The following NUDT3 variants were observed in gnomAD, a reference collection of about 807,000 sequenced individuals.
The protein encoded by NUDT3 is diphosphoinositol polyphosphate phosphohydrolase 1.
Under a neutral mutation model 23.6 loss-of-function variants are expected in NUDT3, and 9 were observed. The observed-to-expected ratio is 0.38, with a 90% CI of 0.23 to 0.66. NUDT3 has a LOEUF of 0.66. Ranked by LOEUF, NUDT3 falls within the 30% of genes least tolerant of loss-of-function variation. The probability of loss-of-function intolerance (pLI) is 0.52; values close to 1 mark genes in which losing one functional copy is unlikely to be tolerated. For missense variants in NUDT3, 172 were observed against 218.5 expected, an observed-to-expected ratio of 0.79 and a Z score of 1.34; for synonymous variants, 86 against 82.6, an observed-to-expected ratio of 1.04 and a Z score of -0.22.
chr6:34,381,371 A>T (rs1411062709), intron 1 of NUDT3, among the ~76,000 whole-genome samples: 1 of 152,088 alleles, frequency 6.6e-6, no homozygotes, highest in East Asian at 1.9e-4. Flanking sequence ...TACACATTTT[A>T]AAACTCTTCA....
chr6:34,297,225 C>A (rs1305717655), intron 2 of NUDT3, among the ~76,000 whole-genome samples: 2 of 152,096 alleles, frequency 1.3e-5, no homozygotes, highest in African/African-American at 2.4e-5. Flanking sequence ...AGTCACCGCG[C>A]CTGGCCTGCC....
At chr6:34,374,604 G>C (rs1764891349) in intron 1 of NUDT3, among the ~76,000 whole-genome samples, 1 of 151,956 alleles carries the variant, frequency 6.6e-6, no homozygotes, top group African/African-American at 2.4e-5. Context: ...TCAACACTCA[G>C]ATCTAGTCCT....
At chr6:34,313,149 T>G (rs1763801041) in intron 2 of NUDT3, among the ~76,000 whole-genome samples, 2 of 152,156 alleles carry the variant, frequency 1.3e-5, no homozygotes, top group East Asian at 3.9e-4. Context: ...CACTCCGGCC[T>G]GGGTGACAGA....
chr6:34,327,760 G>A (rs1386292814), intron 2 of NUDT3, among the ~76,000 whole-genome samples: 1 of 152,088 alleles, frequency 6.6e-6, no homozygotes, highest in African/African-American at 2.4e-5. Context: ...GTGAAGCAGA[G>A]TGTTCCCTGA....
intron 2 of NUDT3, among the ~76,000 whole-genome samples, chr6:34,296,018 G>A (rs910750691): frequency 2.6e-5 from 4 of 152,230 alleles, no homozygotes; most frequent in Admixed American, 1.3e-4. Context: ...GCCAGGCACT[G>A]CCACTCTGGG....
chr6:34,360,705 A>G (rs555577447), intron 1 of NUDT3, among the ~76,000 whole-genome samples: 1 of 152,350 alleles, frequency 6.6e-6, no homozygotes, highest in East Asian at 1.9e-4. Context: ...ATGCAGAAAA[A>G]GCTCAAATAA....
At position 34,392,316 on chromosome 6, in the gene NUDT3, C is replaced by T; in HGVS notation, c.47G>A (p.Gly16Asp). Residue 16 changes from glycine (G) to aspartate (D), a missense_variant, in exon 1 of 5, where the codon GGC becomes GAC. Gly to Asp is a moderately conservative substitution (Grantham distance 94). Around this residue, in one of 3 missense-constraint regions of NUDT3, gnomAD observed 50 missense variants for 46.2 expected, o/e 1.08. Transcript: ENST00000607016. ...CAGGCATGCGGCCCGCTTCTTGTAG[C>T]CGTCGCCGTCGTAGGTGCGGGTCTG... ...SNQTRTYDGDGYKKRAACLCF... is the reference protein window; with the variant it reads ...SNQTRTYDGDDYKKRAACLCF... 1.2e-6 allele frequency: 2 copies of T among 1,606,406 alleles called. No individual in the cohort carries two copies. Among genetic ancestry groups the T allele is most frequent in the Non-Finnish European group, 8.5e-7 (1 of 1,177,598 alleles).
rs1763302073 is a variant in NUDT3, at chr6:34,283,543, AT to A, written c.*5209del. 1 of 152,156 alleles carries A rather than the reference AT, an allele frequency of 6.6e-6. No homozygotes were observed. Among genetic ancestry groups the A allele is most frequent in the Admixed American group, 6.5e-5 (1 of 15,276 alleles). The allele number at this position is 152,156 out of a possible 1,614,324, so 9.4% of individuals were successfully genotyped here. A position where few individuals can be genotyped will look rare whatever the true frequency, so the allele number is the denominator to read the frequency against. Reference sequence around the variant, plus strand: ...TATAAGGGGACTAGAAGGACAAACTATTTGATTAATTTGAAGGTGAGAGGTA... The same window carrying A: ...TATAAGGGGACTAGAAGGACAAACTATTGATTAATTTGAAGGTGAGAGGTA... On this transcript the variant is annotated 3_prime_UTR_variant, in exon 5 of 5. Coordinates refer to ENST00000607016, the MANE Select transcript of NUDT3 (RefSeq NM_006703.4).
Position 34,350,347 on chromosome 6 carries a change from T to C in NUDT3, c.100-8375A>G, listed in dbSNP as rs112100473. ...GGCACCAGGACCAGATCCTATCAAA[T>C]TTGTGATATGCTCTGCAAATTGCAT... On this transcript the variant is annotated intron_variant, in intron 1 of 4. Coordinates refer to ENST00000607016, the MANE Select transcript of NUDT3 (RefSeq NM_006703.4). Among the ~76,000 whole-genome samples, 1,365 of 150,848 alleles carry C rather than the reference T, an allele frequency of 9.0e-3. 105 individuals carry two copies. Among genetic ancestry groups the C allele is most frequent in the African/African-American group, 0.029 (1,173 of 40,564 alleles).
chr6:34,331,115 A>G (rs1164974753), intron 2 of NUDT3, among the ~76,000 whole-genome samples: 1 of 152,184 alleles, frequency 6.6e-6, no homozygotes, highest in African/African-American at 2.4e-5. Flanking sequence ...TTGGGCTCCC[A>G]AAGTGCTGGG....
At position 34,392,547 on chromosome 6, in the gene NUDT3, C is replaced by A; in HGVS notation, c.-185G>T. ...GCCTCATTCCCCCAGGCCCAGGTCC[C>A]GCGCCGCCGCTGCCACCGTCACGGC... On this transcript the variant is annotated 5_prime_UTR_variant, in exon 1 of 5. Transcript: ENST00000607016. The A allele has an allele frequency of 2.5e-6, 1 of 395,094 alleles. No individual in the cohort carries two copies. Among genetic ancestry groups the A allele is most frequent in the South Asian group, 6.0e-5 (1 of 16,744 alleles). The allele number at this position is 395,094 out of a possible 1,614,324, so 24.5% of individuals were successfully genotyped here.
intron 1 of NUDT3, among the ~76,000 whole-genome samples, chr6:34,387,675 A>T (rs911977306): frequency 9.4e-5 from 13 of 138,600 alleles, no homozygotes; most frequent in Non-Finnish European, 1.7e-4. Flanking sequence ...TCTCTTTTTA[A>T]AAAAAAAAAA....
Position 34,321,620 on chromosome 6 carries a change from T to C in NUDT3, c.210+20242A>G, listed in dbSNP as rs76344437. Among the ~76,000 whole-genome samples the C allele has an allele frequency of 2.3e-4, 35 of 152,254 alleles. No individual in the cohort carries two copies. The East Asian group carries it at 5.2e-3, about 23-fold the overall frequency. On this transcript the variant is annotated intron_variant, in intron 2 of 4. Transcript: ENST00000607016. ...TTTTCGCTTATTATTTCTTCTCTGC[T>C]TAGAAGTGGCAAATCTCAGGGAAGA...
At chr6:34,367,914 G>C (rs1219256398) in intron 1 of NUDT3, among the ~76,000 whole-genome samples, 1 of 152,078 alleles carries the variant, frequency 6.6e-6, no homozygotes, top group Admixed American at 6.6e-5. Context: ...GTTAAAAGCT[G>C]TATCTTGGCC....
intron 2 of NUDT3, among the ~76,000 whole-genome samples, chr6:34,313,688 C>T (rs1479862681): frequency 2.6e-5 from 4 of 151,940 alleles, no homozygotes; most frequent in African/African-American, 4.8e-5. Context: ...TAAGGCCGGG[C>T]GCAGTGGCTC....
At chr6:34,351,216 A>AAAAAAAAAAAAAAAAAAAAAAAAAAAAAC (rs1561915130) in intron 1 of NUDT3, among the ~76,000 whole-genome samples, 12 of 130,818 alleles carry the variant, frequency 9.2e-5, no homozygotes, top group African/African-American at 3.7e-4. Context: ...AAAAAAAAAA[A>AAAAAAAAAAAAAAAAAAAAAAAAAAAAAC]AAAAAAAAAA....
At chr6:34,299,744 A>C in intron 2 of NUDT3, among the ~76,000 whole-genome samples, 1 of 151,460 alleles carries the variant, frequency 6.6e-6, no homozygotes, top group Non-Finnish European at 1.5e-5. Flanking sequence ...CATCTCTACT[A>C]AAAACACAAA....
chr6:34,299,068 T>G (rs1763557567), intron 2 of NUDT3, among the ~76,000 whole-genome samples: 2 of 152,154 alleles, frequency 1.3e-5, no homozygotes, highest in African/African-American at 4.8e-5. Flanking sequence ...AACTTTCATC[T>G]CCTAGTTTTT....
intron 2 of NUDT3, among the ~76,000 whole-genome samples, chr6:34,314,921 A>G (rs530089640): frequency 6.6e-6 from 1 of 152,348 alleles, no homozygotes; most frequent in African/African-American, 2.4e-5. Context: ...TGCCAATACT[A>G]TGCAGTTAAA....
Sources: allele counts gnomAD v4.1 joint callset (sites outside exome capture counted in the v4.1 genomes callset), GRCh38; gene constraint gnomAD v4.1.1; regional missense constraint gnomAD v4.1.1; transcripts MANE v1.5; gene names NCBI Gene and HGNC (gene_info 2026-07-23, HGNC 2026-07-21).